Variants in SPAG16 observed in about 807,000 individuals in gnomAD.
SPAG16 encodes sperm-associated antigen 16 protein.
A neutral mutation model predicts 80.4 loss-of-function variants in SPAG16; 86 were observed. The ratio of observed to expected loss-of-function variants is 1.07; its 90% CI spans 0.90 to 1.28. The LOEUF (loss-of-function observed/expected upper bound fraction) is 1.28. Among genes scored for constraint, SPAG16 ranks in the 50% most tolerant of loss-of-function variants. The probability of loss-of-function intolerance (pLI) is 0.00; values close to 1 mark genes in which losing one functional copy is unlikely to be tolerated. For missense variants in SPAG16, 870 were observed against 765.3 expected (o/e 1.14, Z -1.61); for synonymous variants, 294 against 265.9 (o/e 1.11, Z -1.03).
chr2:214,374,210 A>G (rs1699989483), intron 15 of SPAG16, among the ~76,000 whole-genome samples: 1 of 152,212 alleles, frequency 6.6e-6, no homozygotes. Context: ...ATGTTAAATG[A>G]ACTTCCAAAA....
rs1012881004 is a variant in SPAG16 at position 213,443,040 on chromosome 2, T to G, written c.943-46923T>G. ...CATTATACAAAAATATACAAATGAC[T>G]TCAGAAGTTGTATATATTTAAGGTG... On this transcript the variant is annotated intron_variant, in intron 9 of 15. Transcript: ENST00000331683. Among the ~76,000 whole-genome samples the G allele has an allele frequency of 2.0e-5, 3 of 152,186 alleles. No individual in the cohort carries two copies. In the South Asian group the frequency reaches 6.2e-4, roughly 31 times the overall value.
chr2:213,707,781 A>C (rs2065822725), intron 10 of SPAG16, among the ~76,000 whole-genome samples: 1 of 152,150 alleles, frequency 6.6e-6, no homozygotes, highest in South Asian at 2.1e-4. Context: ...AAACTCACCT[A>C]TAATTACTTT....
chr2:214,286,573 C>G (rs182693709), intron 15 of SPAG16, among the ~76,000 whole-genome samples: 11 of 152,150 alleles, frequency 7.2e-5, no homozygotes, highest in Admixed American at 2.0e-4. Flanking sequence ...CTGCCAAAAC[C>G]CTGTCTCTAC....
chr2:213,422,183 C>G (rs1330088233), intron 9 of SPAG16: 6 of 701,000 alleles, frequency 8.6e-6, no homozygotes, highest in Non-Finnish European at 1.6e-5. Flanking sequence ...GGAGCCCAGA[C>G]CTAGAAGCTC....
rs149329601 is a variant in SPAG16, at chr2:214,223,593, T to G, written c.1720+74327T>G. Among the ~76,000 whole-genome samples, 1,074 of 152,208 alleles carry G rather than the reference T, an allele frequency of 7.1e-3. 9 individuals carry two copies. Among genetic ancestry groups the G allele is most frequent in the African/African-American group, 0.025 (1,027 of 41,550 alleles). Reference sequence around the variant, plus strand: ...AGCAAAATTTAAAGCAATAAAATAGTTTTGGTAATGGTATTTAAAAGTAAC... The same window carrying G: ...AGCAAAATTTAAAGCAATAAAATAGGTTTGGTAATGGTATTTAAAAGTAAC... On this transcript the variant is annotated intron_variant, in intron 15 of 15. Coordinates refer to ENST00000331683, the MANE Select transcript of SPAG16 (RefSeq NM_024532.5).
chr2:213,894,966 C>A (rs1338555687), intron 11 of SPAG16, among the ~76,000 whole-genome samples: 6 of 105,306 alleles, frequency 5.7e-5, no homozygotes, highest in Non-Finnish European at 8.6e-5. Flanking sequence ...TCCAGCGTGG[C>A]AACAGAACAA....
intron 15 of SPAG16, among the ~76,000 whole-genome samples, chr2:214,332,550 A>T (rs1437772441): frequency 6.6e-5 from 10 of 152,186 alleles, no homozygotes; most frequent in Non-Finnish European, 1.5e-5. Flanking sequence ...TATCCATTAC[A>T]TGAGGCTATG....
chr2:213,351,916 T>C (rs2065349570), intron 7 of SPAG16, among the ~76,000 whole-genome samples: 1 of 152,118 alleles, frequency 6.6e-6, no homozygotes. Flanking sequence ...ATTGTAATCA[T>C]CCCCACGTGT....
chr2:214,247,298 A>C (rs2125839637), intron 15 of SPAG16, among the ~76,000 whole-genome samples: 1 of 151,278 alleles, frequency 6.6e-6, no homozygotes, highest in East Asian at 1.9e-4. Context: ...TCTTTTTTCC[A>C]AAAAAAAAGA....
intron 10 of SPAG16, among the ~76,000 whole-genome samples, chr2:213,847,540 G>C (rs946958856): frequency 2.0e-5 from 3 of 152,144 alleles, no homozygotes; most frequent in Admixed American, 6.6e-5. Flanking sequence ...AGCTCACTTA[G>C]CACCAAAGGG....
chr2:214,310,247 A>C (rs535359916), intron 15 of SPAG16, among the ~76,000 whole-genome samples: 17 of 151,750 alleles, frequency 1.1e-4, no homozygotes, highest in African/African-American at 4.1e-4. Flanking sequence ...ACTGTAGTAC[A>C]TATTTTGTAT....
At chr2:213,620,049 G>C (rs1219423366) in intron 10 of SPAG16, among the ~76,000 whole-genome samples, 2 of 152,064 alleles carry the variant, frequency 1.3e-5, no homozygotes, top group East Asian at 1.9e-4. Flanking sequence ...GCTAAGTAAA[G>C]TAAGGCACAG....
At chr2:213,541,092 A>G (rs2076430008) in intron 10 of SPAG16, among the ~76,000 whole-genome samples, 1 of 152,238 alleles carries the variant, frequency 6.6e-6, no homozygotes, top group Non-Finnish European at 1.5e-5. Context: ...TATTGTTACC[A>G]TGGTTTTTCC....
intron 13 of SPAG16, among the ~76,000 whole-genome samples, chr2:214,033,388 G>A (rs2048523555): frequency 6.6e-6 from 1 of 152,222 alleles, no homozygotes; most frequent in African/African-American, 2.4e-5. Flanking sequence ...TAGATGCAGA[G>A]AAGTGGCATG....
chr2:214,238,429 A>C (rs559480535), intron 15 of SPAG16: 1 of 164,098 alleles, frequency 6.1e-6, no homozygotes, highest in South Asian at 1.5e-4. Context: ...GAATTATTTT[A>C]TATCATTATA....
intron 7 of SPAG16, among the ~76,000 whole-genome samples, chr2:213,359,608 G>A (rs2065864058): frequency 6.6e-6 from 1 of 152,234 alleles, no homozygotes; most frequent in African/African-American, 2.4e-5. Flanking sequence ...CTCCTGGTCT[G>A]CCAGTTGCTA....
At chr2:213,423,600 AT>A (rs1173059985) in intron 9 of SPAG16, among the ~76,000 whole-genome samples, 1 of 152,200 alleles carries the variant, frequency 6.6e-6, no homozygotes, top group Non-Finnish European at 1.5e-5. Context: ...GTTTCAGACA[AT>A]TCTGTTTCAA....
chr2:214,327,759 C>T (rs1218359512), intron 15 of SPAG16, among the ~76,000 whole-genome samples: 1 of 151,434 alleles, frequency 6.6e-6, no homozygotes, highest in Non-Finnish European at 1.5e-5. Context: ...ATTAAGAGAT[C>T]CTGCATTTGA....
At chr2:214,132,247 T>A (rs2054819174) in intron 14 of SPAG16, among the ~76,000 whole-genome samples, 1 of 152,216 alleles carries the variant, frequency 6.6e-6, no homozygotes, top group African/African-American at 2.4e-5. Flanking sequence ...AAATATTTAC[T>A]AAGTATATAA....
Sources: allele counts gnomAD v4.1 joint callset (sites outside exome capture counted in the v4.1 genomes callset), GRCh38; gene constraint gnomAD v4.1.1; transcripts MANE v1.5; gene names NCBI Gene and HGNC (gene_info 2026-07-23, HGNC 2026-07-21).